FRMPD4: variants seen among roughly 807,000 people sequenced by gnomAD.
The protein encoded by FRMPD4 is FERM and PDZ domain containing 4.
A neutral mutation model predicts 94.1 loss-of-function variants in FRMPD4; 22 were observed. That is an observed-to-expected ratio of 0.23 (90% CI 0.17 to 0.33). The LOEUF (loss-of-function observed/expected upper bound fraction) is 0.33, where lower values mean the gene tolerates loss of function less well. FRMPD4 is among the 10% of genes least tolerant of loss of function. The pLI is 1.00. For synonymous variants in FRMPD4, 631 were observed against 548.6 expected, an observed-to-expected ratio of 1.15 and a Z score of -2.10; for missense variants, 1,111 against 1,339.9, an observed-to-expected ratio of 0.83 and a Z score of 2.67.
At chrX:12,098,014 G>C (rs2055221140) in intron 3 of FRMPD4, among the ~76,000 whole-genome samples, 2 of 112,121 alleles carry the variant, frequency 1.8e-5, no homozygotes, top group South Asian at 7.4e-4. Flanking sequence ...CAAAGTGGCT[G>C]CACCATTTTA....
At chrX:12,531,793 C>A (rs1049613597) in intron 2 of FRMPD4, among the ~76,000 whole-genome samples, 1 of 111,534 alleles carries the variant, frequency 9.0e-6, no homozygotes, top group Non-Finnish European at 1.9e-5. Flanking sequence ...TTTGCTCCAA[C>A]TTAATAATAA....
At chrX:12,649,731 A>G (rs1284491999) in intron 4 of FRMPD4, among the ~76,000 whole-genome samples, 3 of 112,669 alleles carry the variant, frequency 2.7e-5, no homozygotes, top group Non-Finnish European at 5.6e-5. Flanking sequence ...CTTAGCATAC[A>G]GTAGACGTGA....
At position 11,955,533 on chromosome X, in the gene FRMPD4, C is replaced by T. The variant is rs756106165; in HGVS notation, c.95+77515C>T. The stretch of plus-strand genomic sequence containing the variant: ...TTGGGAGGCCGAGGTGGGCGGATCA[C>T]GAGGTCAGGAGATCGAGACCACGGT... On this transcript the variant is annotated intron_variant, in intron 3 of 18. Transcript: ENST00000640291. Among the ~76,000 whole-genome samples the T allele has an allele frequency of 5.9e-4, 65 of 109,669 alleles. 1 individual carries two copies. In the South Asian group the frequency reaches 8.4e-3, roughly 14 times the overall value.
At chrX:12,496,482 A>G (rs1448926090) in intron 1 of FRMPD4, among the ~76,000 whole-genome samples, 1 of 111,755 alleles carries the variant, frequency 8.9e-6, no homozygotes, top group Non-Finnish European at 1.9e-5. Flanking sequence ...TGGGAAGTAC[A>G]TAAAACCCTG....
chrX:11,980,382 A>G (rs928621526), intron 3 of FRMPD4, among the ~76,000 whole-genome samples: 1 of 110,658 alleles, frequency 9.0e-6, no homozygotes, highest in Non-Finnish European at 1.9e-5. Context: ...TGTCTATTTT[A>G]TAATCTCTCC....
chrX:12,671,130 T>C (rs1439177242), intron 4 of FRMPD4, among the ~76,000 whole-genome samples: 1 of 112,102 alleles, frequency 8.9e-6, no homozygotes, highest in Non-Finnish European at 1.9e-5. Flanking sequence ...GCTTTTACAC[T>C]GTTGGTGGGA....
intron 3 of FRMPD4, among the ~76,000 whole-genome samples, chrX:11,966,247 G>A (rs1004614493): frequency 9.0e-6 from 1 of 111,281 alleles, no homozygotes; most frequent in Non-Finnish European, 1.9e-5. Context: ...AAGGGATGGG[G>A]CTTTTGGGGA....
At chrX:12,267,059 A>C (rs1344759403) in intron 1 of FRMPD4, among the ~76,000 whole-genome samples, 1 of 112,313 alleles carries the variant, frequency 8.9e-6, no homozygotes, top group Non-Finnish European at 1.9e-5. Flanking sequence ...CATATTGTAC[A>C]GTGTTAATTG....
intron 1 of FRMPD4, among the ~76,000 whole-genome samples, chrX:12,467,864 T>C (rs1362888857): frequency 1.5e-4 from 17 of 111,808 alleles, no homozygotes; most frequent in Non-Finnish European, 1.5e-4. Context: ...AGGGTTTAAA[T>C]TGACACTAAA....
chrX:11,974,462 C>A (rs1196470728), intron 3 of FRMPD4, among the ~76,000 whole-genome samples: 2 of 111,962 alleles, frequency 1.8e-5, no homozygotes, highest in Non-Finnish European at 3.8e-5. Flanking sequence ...GCTTCTTGTA[C>A]AACCTGCAGA....
At chrX:12,572,747 G>A (rs1176572202) in intron 2 of FRMPD4, among the ~76,000 whole-genome samples, 1 of 111,903 alleles carries the variant, frequency 8.9e-6, no homozygotes, top group Admixed American at 9.5e-5. Context: ...ATGTACATAC[G>A]CACAGGAGTC....
rs73446814 is a variant in FRMPD4 at position 12,603,029 on chromosome X, A to G, written c.159-6692A>G. ...GAGCAAATCAAGACTAAGTCAGTCT[A>G]CCACACAGACCAGTGCTACCAAGAT... is the stretch of plus-strand genomic sequence containing the variant. On this transcript the variant is annotated intron_variant, in intron 2 of 16. Coordinates refer to ENST00000675598, the MANE Select transcript of FRMPD4 (RefSeq NM_001368397.1). 8.8e-3 allele frequency among the ~76,000 whole-genome samples: 981 copies of G among 111,989 alleles called. 10 individuals carry two copies. Among genetic ancestry groups the G allele is most frequent in the African/African-American group, 0.03 (915 of 30,822 alleles).
At chrX:12,689,058 A>G (rs2052437017) in intron 7 of FRMPD4, among the ~76,000 whole-genome samples, 1 of 111,370 alleles carries the variant, frequency 9.0e-6, no homozygotes, top group African/African-American at 3.3e-5. Context: ...AGTGTCCCCA[A>G]CCCTATTGTG....
intron 4 of FRMPD4, among the ~76,000 whole-genome samples, chrX:12,624,131 A>G (rs1287217715): frequency 8.9e-6 from 1 of 112,645 alleles, no homozygotes; most frequent in Non-Finnish European, 1.9e-5. Context: ...AAGAAATGCT[A>G]CAGTGAGTTC....
intron 1 of FRMPD4, among the ~76,000 whole-genome samples, chrX:12,491,416 T>C (rs949400937): frequency 1.8e-5 from 2 of 112,069 alleles, no homozygotes; most frequent in Admixed American, 9.5e-5. Flanking sequence ...CACACCCTTT[T>C]TGTAACCAAC....
At chrX:12,571,897 AAAT>A (rs1326771167) in intron 2 of FRMPD4, among the ~76,000 whole-genome samples, 1 of 112,551 alleles carries the variant, frequency 8.9e-6, no homozygotes, top group Admixed American at 9.4e-5. Context: ...TAACAGTATA[AAAT>A]AATAGTAATT....
intron 1 of FRMPD4, among the ~76,000 whole-genome samples, chrX:12,479,445 T>TAC (rs1172598483): frequency 2.2e-4 from 12 of 54,571 alleles, no homozygotes; most frequent in East Asian, 6.4e-4. Context: ...CACACATATA[T>TAC]GTATATATAT....
In FRMPD4 at chrX:12,382,535, T is replaced by TAG. The variant is rs762155314; in HGVS notation, c.42-116144_42-116143dup. On this transcript the variant is annotated intron_variant, in intron 1 of 16. Coordinates refer to ENST00000675598, the MANE Select transcript of FRMPD4 (RefSeq NM_001368397.1). ...GCATAGCATAGCATAGCATAGAGCA[T>TAG]AGCATAGCATAGCATAGCATAGCAT... is the stretch of plus-strand genomic sequence containing the variant. Among the ~76,000 whole-genome samples the TAG allele has an allele frequency of 4.6e-4, 47 of 101,222 alleles. 1 individual carries two copies. The highest frequency in any genetic ancestry group is 5.0e-4 in the Non-Finnish European group (24 of 48,202). The allele number at this position is 101,222 out of a possible 115,157, so 87.9% of individuals were successfully genotyped here.
intron 3 of FRMPD4, among the ~76,000 whole-genome samples, chrX:12,060,446 GT>G (rs1231042550): frequency 9.4e-6 from 1 of 106,777 alleles, no homozygotes; most frequent in Non-Finnish European, 1.9e-5. Context: ...TCTTTTGCCC[GT>G]TTTTTAATGG....
Sources: allele counts gnomAD v4.1 joint callset (sites outside exome capture counted in the v4.1 genomes callset), GRCh38; gene constraint gnomAD v4.1.1; transcripts MANE v1.5; gene names NCBI Gene and HGNC (gene_info 2026-07-23, HGNC 2026-07-21).